EPHA6: variants seen among roughly 807,000 people sequenced by gnomAD.
EPHA6 encodes the protein ephrin type-A receptor 6.
EPHA6 carries 50 observed loss-of-function variants against 112.0 expected under a neutral mutation model. That is an observed-to-expected ratio of 0.45 (90% confidence interval 0.36 to 0.56). EPHA6 has a LOEUF of 0.56. Among genes scored for constraint, EPHA6 ranks in the 20% least tolerant of loss-of-function variants. The pLI is 0.00. For missense variants in EPHA6, 1,280 were observed against 1,417.4 expected (o/e 0.90, Z 1.56); for synonymous variants, 529 against 490.7 (o/e 1.08, Z -1.03).
chr3:97,298,557 C>A (rs564696486), intron 5 of EPHA6, among the ~76,000 whole-genome samples: 31 of 152,066 alleles, frequency 2.0e-4, no homozygotes, highest in Non-Finnish European at 2.6e-4. Flanking sequence ...AAATAGTTTT[C>A]TTAAACTTAA....
chr3:97,479,192 A>T, intron 8 of EPHA6, 102 bp from the exon 9 acceptor site: 1 of 649,248 alleles, frequency 1.5e-6, no homozygotes, highest in East Asian at 3.0e-5. Flanking sequence ...AGTGGTCTTT[A>T]TGACAAGAAA....
At chr3:97,277,257 A>G (rs547537636) in intron 5 of EPHA6, among the ~76,000 whole-genome samples, 1 of 151,720 alleles carries the variant, frequency 6.6e-6, no homozygotes, top group Admixed American at 6.6e-5. Context: ...GGGTGGGGCC[A>G]TTTTATAAGA....
intron 2 of EPHA6, among the ~76,000 whole-genome samples, chr3:96,966,199 T>G (rs984022434): frequency 1.3e-5 from 2 of 152,134 alleles, no homozygotes; most frequent in African/African-American, 4.8e-5. Flanking sequence ...TGAATTGAAT[T>G]TATAGATAAA....
At chr3:97,272,984 G>T (rs577720447) in intron 5 of EPHA6, among the ~76,000 whole-genome samples, 3 of 152,206 alleles carry the variant, frequency 2.0e-5, no homozygotes, top group African/African-American at 7.2e-5. Context: ...TGCTTCGAGC[G>T]GGATTAGGGG....
At chr3:97,375,789 T>C (rs574122036) in intron 5 of EPHA6, among the ~76,000 whole-genome samples, 46 of 152,198 alleles carry the variant, frequency 3.0e-4, no homozygotes, top group African/African-American at 1.0e-3. Flanking sequence ...CATGGATGAA[T>C]ACCAGTTTAT....
intron 2 of EPHA6, among the ~76,000 whole-genome samples, chr3:96,983,044 C>A (rs1425126771): frequency 1.3e-5 from 2 of 152,076 alleles, no homozygotes; most frequent in Non-Finnish European, 2.9e-5. Flanking sequence ...AGCATTTAGC[C>A]CATTTACATT....
chr3:97,735,751 T>A (rs2035225073), intron 15 of EPHA6, among the ~76,000 whole-genome samples, 174 bp from the exon 16 acceptor site: 1 of 151,980 alleles, frequency 6.6e-6, no homozygotes, highest in South Asian at 2.1e-4. Flanking sequence ...GCTTTGGAGC[T>A]ACTTGCAATT....
intron 3 of EPHA6, among the ~76,000 whole-genome samples, chr3:97,084,319 G>A (rs919915025): frequency 2.7e-5 from 4 of 150,754 alleles, no homozygotes; most frequent in East Asian, 3.9e-4. Context: ...CCAGCCAATC[G>A]TATAGCCCTT....
At chr3:97,148,691 C>G (rs1337076872) in intron 3 of EPHA6, among the ~76,000 whole-genome samples, 1 of 152,014 alleles carries the variant, frequency 6.6e-6, no homozygotes, top group Non-Finnish European at 1.5e-5. Context: ...GCATAGAACT[C>G]TGACCTTGAA....
At chr3:97,735,837 T>C in intron 15 of EPHA6, 88 bp from the exon 16 acceptor site, 1 of 904,056 alleles carries the variant, frequency 1.1e-6, no homozygotes, top group South Asian at 2.7e-5. Flanking sequence ...ACCATTATTT[T>C]GGCTTCTTCT....
Position 97,761,464 on chromosome 3 carries a change from T to TA in EPHA6, c.*12764dup, listed in dbSNP as rs1382084760. 2 of 178,020 alleles carry TA rather than the reference T, an allele frequency of 1.1e-5. No individual in the cohort carries two copies. The highest frequency in any genetic ancestry group is 4.7e-5 in the African/African-American group (2 of 42,304). 11.0% of individuals were successfully genotyped at this position (178,020 alleles called of 1,614,324 possible). ...TTCCTAAGAGGCATTATCAGGGTCT[T>TA]ACAGATGGAGTAAGCCTGTTTATTA... On this transcript the variant is annotated 3_prime_UTR_variant, in exon 18 of 18. Coordinates refer to ENST00000389672, the MANE Select transcript of EPHA6 (RefSeq NM_001080448.3).
At chr3:97,557,808 A>T (rs1165352054) in intron 11 of EPHA6, among the ~76,000 whole-genome samples, 2 of 152,018 alleles carry the variant, frequency 1.3e-5, no homozygotes, top group African/African-American at 4.8e-5. Flanking sequence ...CATATGTTTT[A>T]AAATGAGCAT....
At position 96,960,884 on chromosome 3, in the gene EPHA6, T is replaced by C. The variant is rs77346999; in HGVS notation, c.451-26446T>C. Among the ~76,000 whole-genome samples, 1,005 of 152,324 alleles carry C rather than the reference T, an allele frequency of 6.6e-3. 22 individuals are homozygous for C. Among genetic ancestry groups the C allele is most frequent in the African/African-American group, 0.023 (958 of 41,580 alleles). On this transcript the variant is annotated intron_variant, in intron 2 of 17. Transcript: ENST00000389672. ...TGAATAATCTCATATCAATCGACTC[T>C]GTTTTACCTACCTTCTATCCTTCTC...
chr3:97,549,645 A>G (rs2093002918), intron 11 of EPHA6, among the ~76,000 whole-genome samples: 1 of 152,016 alleles, frequency 6.6e-6, no homozygotes, highest in South Asian at 2.1e-4. Context: ...GTTTGTTTAC[A>G]ATGTTGAAAT....
intron 5 of EPHA6, among the ~76,000 whole-genome samples, chr3:97,272,297 CGTGTGTGT>C (rs58790255): frequency 0.065 from 9,723 of 150,282 alleles, 726 homozygotes; most frequent in Admixed American, 0.2. Context: ...TATTCCATTT[CGTGTGTGT>C]GTGTGTGTGT....
At chr3:97,201,935 G>T (rs2077587408) in intron 3 of EPHA6, among the ~76,000 whole-genome samples, 4 of 152,058 alleles carry the variant, frequency 2.6e-5, no homozygotes, top group Admixed American at 2.0e-4. Context: ...CATAATTTTT[G>T]ATTGCTCATC....
intron 3 of EPHA6, among the ~76,000 whole-genome samples, chr3:97,190,080 G>A (rs957307547): frequency 6.6e-6 from 1 of 152,022 alleles, no homozygotes; most frequent in African/African-American, 2.4e-5. Context: ...GATACAGTAG[G>A]CAGGGTCAGT....
chr3:97,550,224 C>T (rs764897267), intron 11 of EPHA6, among the ~76,000 whole-genome samples: 1 of 151,984 alleles, frequency 6.6e-6, no homozygotes, highest in Non-Finnish European at 1.5e-5. Context: ...CAGTAAGAAC[C>T]CTAAAGTCTT....
intron 2 of EPHA6, among the ~76,000 whole-genome samples, chr3:96,868,002 T>C (rs748633067): frequency 2.6e-5 from 4 of 151,986 alleles, no homozygotes; most frequent in Non-Finnish European, 4.4e-5. Context: ...AAACTGTTTC[T>C]GAGGTATATA....
Sources: gnomAD v4.1 joint callset for allele counts (sites outside exome capture counted in the v4.1 genomes callset) on GRCh38, gnomAD v4.1.1 for gene constraint, MANE v1.5 for transcripts, NCBI Gene and HGNC (gene_info 2026-07-23, HGNC 2026-07-21) for gene names.